SND1: variants seen among roughly 807,000 people sequenced by gnomAD.
SND1 encodes staphylococcal nuclease and tudor domain containing 1, also known as staphylococcal nuclease domain-containing protein 1.
A neutral mutation model predicts 121.7 loss-of-function variants in SND1; 38 were observed. That is an observed-to-expected ratio of 0.31 (90% CI 0.24 to 0.41). The LOEUF (loss-of-function observed/expected upper bound fraction) is 0.41, where lower values mean the gene tolerates loss of function less well. SND1 is among the 10% of genes least tolerant of loss of function. The pLI, the probability that SND1 is intolerant of heterozygous loss-of-function variation, is 1.00. For synonymous variants in SND1, 401 were observed against 447.4 expected, an observed-to-expected ratio of 0.90 and a Z score of 1.31; for missense variants, 868 against 1,184.6, an observed-to-expected ratio of 0.73 and a Z score of 3.92.
intron 16 of SND1, among the ~76,000 whole-genome samples, chr7:127,991,843 T>C (rs55764223): frequency 0.013 from 2,015 of 152,314 alleles, 30 homozygotes; most frequent in South Asian, 0.046. Context: ...TGGACTTCTT[T>C]AGGATGCTCA....
chr7:127,841,357 A>T (rs1277118797), intron 11 of SND1, among the ~76,000 whole-genome samples: 2 of 152,122 alleles, frequency 1.3e-5, no homozygotes, highest in African/African-American at 4.8e-5. Flanking sequence ...AACACGAAAG[A>T]TACATGGACC....
At chr7:127,855,243 C>T (rs1799252937) in intron 12 of SND1, among the ~76,000 whole-genome samples, 1 of 151,940 alleles carries the variant, frequency 6.6e-6, no homozygotes. Context: ...CCTCAGCCTC[C>T]CAAGTAGCTA....
intron 11 of SND1, among the ~76,000 whole-genome samples, chr7:127,820,538 TG>T (rs1798529541): frequency 1.3e-5 from 2 of 152,198 alleles, no homozygotes; most frequent in Admixed American, 6.5e-5. Flanking sequence ...AAGGGGCAAA[TG>T]GTAATAAGAT....
At chr7:127,710,017 A>T (rs921638753) in intron 9 of SND1, among the ~76,000 whole-genome samples, 2 of 151,680 alleles carry the variant, frequency 1.3e-5, no homozygotes, top group Non-Finnish European at 2.9e-5. Context: ...AAAGTTGATC[A>T]TAGTGTCTGT....
intron 14 of SND1, among the ~76,000 whole-genome samples, chr7:127,924,329 A>T (rs1210829253): frequency 6.6e-6 from 1 of 152,210 alleles, no homozygotes; most frequent in Non-Finnish European, 1.5e-5. Flanking sequence ...GATGAGAACT[A>T]ATTCGTGATC....
At chr7:127,732,915 A>G (rs1264758072) in intron 10 of SND1, among the ~76,000 whole-genome samples, 3 of 152,172 alleles carry the variant, frequency 2.0e-5, no homozygotes, top group Admixed American at 6.5e-5. Flanking sequence ...GTCAGGTTTC[A>G]ACTTTGGTGT....
At chr7:127,871,218 T>C (rs1338410521) in intron 12 of SND1, among the ~76,000 whole-genome samples, 1 of 152,206 alleles carries the variant, frequency 6.6e-6, no homozygotes, top group Admixed American at 6.5e-5. Flanking sequence ...GAGGCTGTTT[T>C]ACAGTTAATT....
At chr7:127,933,155 A>T (rs1305332104) in intron 15 of SND1, among the ~76,000 whole-genome samples, 1 of 152,218 alleles carries the variant, frequency 6.6e-6, no homozygotes, top group East Asian at 1.9e-4. Flanking sequence ...AACTACCTGA[A>T]TGGAGCCGGC....
intron 9 of SND1, among the ~76,000 whole-genome samples, chr7:127,713,730 A>G (rs927838240): frequency 1.3e-5 from 2 of 152,222 alleles, no homozygotes; most frequent in Non-Finnish European, 2.9e-5. Flanking sequence ...AGCCTGAGAA[A>G]TGTGAAACTT....
chr7:127,692,192 TC>T (rs1795931841), intron 2 of SND1, among the ~76,000 whole-genome samples: 10 of 152,050 alleles, frequency 6.6e-5, no homozygotes, highest in Admixed American at 2.6e-4. Context: ...GTTTTAAGAG[TC>T]TATCTGGTCA....
chr7:128,040,131 T>G, intron 16 of SND1, among the ~76,000 whole-genome samples: 1 of 146,666 alleles, frequency 6.8e-6, no homozygotes. Flanking sequence ...CAAACAGCTG[T>G]GTATTGAGTC....
chr7:128,070,252 C>A (rs1346707053), intron 16 of SND1, among the ~76,000 whole-genome samples: 1 of 152,336 alleles, frequency 6.6e-6, no homozygotes, highest in East Asian at 1.9e-4. Flanking sequence ...ATGTGTCTTC[C>A]TAGGTCTCAG....
chr7:128,078,516 G>A (rs1252554552), intron 17 of SND1, among the ~76,000 whole-genome samples: 1 of 152,216 alleles, frequency 6.6e-6, no homozygotes, highest in Admixed American at 6.5e-5. Flanking sequence ...AGTGAGCTGT[G>A]GCACCTTGTT....
chr7:127,845,078 A>G (rs907989808), intron 12 of SND1, among the ~76,000 whole-genome samples: 3 of 152,230 alleles, frequency 2.0e-5, no homozygotes, highest in Admixed American at 2.0e-4. Context: ...TCCATTTAAC[A>G]ATCTTATATG....
In SND1 at chr7:127,703,711, C is replaced by CA. The variant is rs200027530; in HGVS notation, c.840+397dup. Among the ~76,000 whole-genome samples the CA allele has an allele frequency of 8.4e-3, 1,262 of 151,100 alleles. 15 individuals are homozygous for CA. The highest frequency in any genetic ancestry group is 0.029 in the African/African-American group (1,194 of 41,210). On this transcript the variant is annotated intron_variant, in intron 7 of 23. Transcript: ENST00000354725. ...TGGGCAACAGAGCAAGACTCTGTCTCAAAAAAAAATTATGGCAGGATTATT... is the reference window on the plus strand; with the variant it reads ...TGGGCAACAGAGCAAGACTCTGTCTCAAAAAAAAAATTATGGCAGGATTATT...
At chr7:128,069,918 T>G (rs1194486299) in intron 16 of SND1, among the ~76,000 whole-genome samples, 1 of 152,054 alleles carries the variant, frequency 6.6e-6, no homozygotes, top group Admixed American at 6.5e-5. Context: ...ATTCAGAGGG[T>G]GATTCATGGT....
intron 10 of SND1, among the ~76,000 whole-genome samples, chr7:127,781,798 A>G (rs1411438255): frequency 6.6e-6 from 1 of 152,218 alleles, no homozygotes; most frequent in African/African-American, 2.4e-5. Flanking sequence ...TAATAATGAA[A>G]ATGTTCCAAA....
chr7:128,049,599 G>T (rs1214086167), intron 16 of SND1, among the ~76,000 whole-genome samples: 1 of 152,178 alleles, frequency 6.6e-6, no homozygotes, highest in Non-Finnish European at 1.5e-5. Flanking sequence ...TGAAGTGTCA[G>T]TGCAGCAGGA....
chr7:127,988,265 AC>A (rs1265741971), intron 15 of SND1, among the ~76,000 whole-genome samples: 1 of 152,180 alleles, frequency 6.6e-6, no homozygotes, highest in Admixed American at 6.5e-5. Flanking sequence ...CTGACTTTGT[AC>A]CTTAGTCTGG....
Sources: allele counts gnomAD v4.1 joint callset (sites outside exome capture counted in the v4.1 genomes callset), GRCh38; gene constraint gnomAD v4.1.1; transcripts MANE v1.5; gene names NCBI Gene and HGNC (gene_info 2026-07-23, HGNC 2026-07-21).